The following STAG1 variants were observed in gnomAD, a reference collection of about 807,000 sequenced individuals.
The protein encoded by STAG1 is STAG1 cohesin complex component, also known as cohesin subunit SA-1.
A neutral mutation model predicts 170.9 loss-of-function variants in STAG1; 26 were observed. The observed-to-expected ratio is 0.15, with a 90% CI of 0.11 to 0.21. The LOEUF (loss-of-function observed/expected upper bound fraction) is 0.21. Among genes scored for constraint, STAG1 ranks in the 10% least tolerant of loss-of-function variants. The pLI is 1.00. For missense variants in STAG1, 964 were observed against 1,509.5 expected, an observed-to-expected ratio of 0.64 and a Z score of 5.99; for synonymous variants, 514 against 497.7, an observed-to-expected ratio of 1.03 and a Z score of -0.44.
At chr3:136,391,828 T>G (rs1256550353) in intron 22 of STAG1, among the ~76,000 whole-genome samples, 1 of 152,228 alleles carries the variant, frequency 6.6e-6, no homozygotes, top group African/African-American at 2.4e-5. Context: ...CAAAGTATAC[T>G]TAGCATAACC....
At chr3:136,709,751 G>A (rs1456258791) in intron 1 of STAG1, among the ~76,000 whole-genome samples, 23 of 149,244 alleles carry the variant, frequency 1.5e-4, no homozygotes, top group Admixed American at 1.5e-3. Flanking sequence ...AAGAAGGTGG[G>A]GGGCCGGACA....
intron 21 of STAG1, among the ~76,000 whole-genome samples, chr3:136,414,886 T>C (rs1193535043): frequency 6.6e-6 from 1 of 152,132 alleles, no homozygotes; most frequent in Non-Finnish European, 1.5e-5. Context: ...TTCAATATTG[T>C]TTTGTCTCAG....
chr3:136,663,517 A>G (rs1030118386), intron 1 of STAG1, among the ~76,000 whole-genome samples: 1 of 152,212 alleles, frequency 6.6e-6, no homozygotes, highest in Non-Finnish European at 1.5e-5. Flanking sequence ...AGGGGAATGA[A>G]AGATTTTACA....
At chr3:136,641,373 A>T (rs1210796694) in intron 1 of STAG1, among the ~76,000 whole-genome samples, 3 of 152,338 alleles carry the variant, frequency 2.0e-5, no homozygotes, top group Non-Finnish European at 4.4e-5. Context: ...ACTAATTATA[A>T]AGAGGAAAAT....
chr3:136,733,340 C>T (rs1286086459), intron 1 of STAG1, among the ~76,000 whole-genome samples: 4 of 152,072 alleles, frequency 2.6e-5, no homozygotes, highest in Admixed American at 1.3e-4. Flanking sequence ...CCCACCTCAG[C>T]GTCCCAAAGT....
intron 1 of STAG1, among the ~76,000 whole-genome samples, chr3:136,724,161 A>G (rs7632309): frequency 0.65 from 97,267 of 150,350 alleles, 33,446 homozygotes; most frequent in African/African-American, 0.88. Context: ...GGAATAGAGG[A>G]GGGGAGAAAG....
rs993423233 is a variant in STAG1, at chr3:136,337,130, T to TAAGC, written c.*1120_*1123dup. 3 of 152,680 alleles carry TAAGC rather than the reference T, an allele frequency of 2.0e-5. No individual in the cohort carries two copies. The highest frequency in any genetic ancestry group is 7.2e-5 in the African/African-American group (3 of 41,472). 9.5% of individuals were successfully genotyped at this position (152,680 alleles called of 1,614,324 possible). A position where few individuals can be genotyped will look rare whatever the true frequency, so the allele number is the denominator to read the frequency against. ...ACTGAAATGTAGCTGTAATTCAAGG[T>TAAGC]AAGCTTAGGAACTTCACCCTCTAAG... is the stretch of plus-strand genomic sequence containing the variant. On this transcript the variant is annotated 3_prime_UTR_variant, in exon 34 of 34. Coordinates refer to ENST00000383202, the MANE Select transcript of STAG1 (RefSeq NM_005862.3).
intron 1 of STAG1, among the ~76,000 whole-genome samples, chr3:136,690,615 T>C (rs1942689281): frequency 6.6e-6 from 1 of 152,144 alleles, no homozygotes; most frequent in Non-Finnish European, 1.5e-5. Context: ...GTATATCACA[T>C]ATACACACAC....
In STAG1 at chr3:136,337,291, G is replaced by A. The variant is rs887708914; in HGVS notation, c.*963C>T. ...AATTACTTTTGAATGATTGATAAAGGATTTCTTCATGATTGATTATCTTAA... is the reference window on the plus strand; with the variant it reads ...AATTACTTTTGAATGATTGATAAAGAATTTCTTCATGATTGATTATCTTAA... On this transcript the variant is annotated 3_prime_UTR_variant, in exon 34 of 34. Coordinates refer to ENST00000383202, the MANE Select transcript of STAG1 (RefSeq NM_005862.3). The A allele has an allele frequency of 2.0e-5, 3 of 152,586 alleles. No individual in the cohort carries two copies. Among genetic ancestry groups the A allele is most frequent in the African/African-American group, 7.2e-5 (3 of 41,432 alleles). The allele number at this position is 152,586 out of a possible 1,614,324, so 9.5% of individuals were successfully genotyped here.
chr3:136,462,072 G>C (rs1410031905), intron 13 of STAG1, among the ~76,000 whole-genome samples: 2 of 152,004 alleles, frequency 1.3e-5, no homozygotes, highest in African/African-American at 4.8e-5. Context: ...TGCAGAGAAA[G>C]GTGAATGCTA....
At chr3:136,459,641 A>G (rs1257250906) in intron 13 of STAG1, among the ~76,000 whole-genome samples, 4 of 152,222 alleles carry the variant, frequency 2.6e-5, no homozygotes, top group Admixed American at 2.6e-4. Context: ...AATAGATTTT[A>G]AAATATTGAA....
intron 1 of STAG1, among the ~76,000 whole-genome samples, chr3:136,749,387 CAAG>C (rs1559988918): frequency 6.6e-6 from 1 of 152,164 alleles, no homozygotes; most frequent in Non-Finnish European, 1.5e-5. Flanking sequence ...CAACAGCTAA[CAAG>C]AAGATGGGGA....
chr3:136,751,666 C>T (rs1336176328), intron 1 of STAG1, among the ~76,000 whole-genome samples: 1 of 152,154 alleles, frequency 6.6e-6, no homozygotes, highest in Non-Finnish European at 1.5e-5. Flanking sequence ...CCAGGCCCCT[C>T]CGCTGAAATG....
intron 26 of STAG1, among the ~76,000 whole-genome samples, chr3:136,359,571 C>T (rs931738063): frequency 3.3e-5 from 5 of 152,082 alleles, no homozygotes; most frequent in Non-Finnish European, 7.4e-5. Flanking sequence ...GCTCTGTCAC[C>T]CAGGCTGGAG....
At chr3:136,367,625 C>T (rs1398762458) in intron 24 of STAG1, among the ~76,000 whole-genome samples, 2 of 152,034 alleles carry the variant, frequency 1.3e-5, no homozygotes. Context: ...ACTGAGAGAA[C>T]ACTTCTGAAA....
intron 29 of STAG1, among the ~76,000 whole-genome samples, chr3:136,348,580 T>G (rs1936321617): frequency 6.6e-6 from 1 of 152,038 alleles, no homozygotes; most frequent in Non-Finnish European, 1.5e-5. Context: ...AAATTTTTTT[T>G]TTCTTAGAGA....
At chr3:136,734,256 T>C (rs1387018300) in intron 1 of STAG1, among the ~76,000 whole-genome samples, 1 of 152,044 alleles carries the variant, frequency 6.6e-6, no homozygotes, top group East Asian at 1.9e-4. Context: ...CCTGATATAA[T>C]CATGGTCAAC....
At chr3:136,488,499 CTTA>C (rs1559835825) in intron 9 of STAG1, among the ~76,000 whole-genome samples, 1 of 152,296 alleles carries the variant, frequency 6.6e-6, no homozygotes, top group East Asian at 1.9e-4. Context: ...TATTAGTTTC[CTTA>C]TTATAAAAGA....
chr3:136,552,302 G>C (rs1679333143), intron 5 of STAG1, among the ~76,000 whole-genome samples: 1 of 152,064 alleles, frequency 6.6e-6, no homozygotes, highest in South Asian at 2.1e-4. Context: ...AAAAATTTCA[G>C]CATTAGAAGT....
Sources: allele counts gnomAD v4.1 joint callset (sites outside exome capture counted in the v4.1 genomes callset), GRCh38; gene constraint gnomAD v4.1.1; transcripts MANE v1.5; gene names NCBI Gene and HGNC (gene_info 2026-07-23, HGNC 2026-07-21).